The following DENND1B variants were observed in gnomAD, a reference collection of about 807,000 sequenced individuals.
DENND1B encodes the protein DENN domain-containing protein 1B.
Under a neutral mutation model 90.1 loss-of-function variants are expected in DENND1B, and 59 were observed. The ratio of observed to expected loss-of-function variants is 0.65; its 90% CI spans 0.53 to 0.81. DENND1B has a LOEUF of 0.81. Among genes scored for constraint, DENND1B ranks in the 40% least tolerant of loss-of-function variants. The pLI is 0.00. For synonymous variants in DENND1B, 337 were observed against 324.6 expected (o/e 1.04, Z -0.41); for missense variants, 862 against 912.6 (o/e 0.94, Z 0.71).
rs775346873 is a variant in DENND1B, at chr1:197,541,009, T to C, written c.1357A>G (p.Asn453Asp). Residue 453 changes from asparagine to aspartate, a missense_variant, in exon 19 of 23, where the codon AAT becomes GAT. Transcript: ENST00000620048. ...TCCTTTAGTCCCAGCTTTGCATGATTTTTTGCCTAGAAAATGATAATGAAT... is the reference window on the plus strand; with the variant it reads ...TCCTTTAGTCCCAGCTTTGCATGATCTTTTGCCTAGAAAATGATAATGAAT... ...AVRTAYKFAKNHAKLGLKEVK... is the reference protein window; with the variant it reads ...AVRTAYKFAKDHAKLGLKEVK... The C allele has an allele frequency of 6.2e-7, 1 of 1,612,670 alleles. No individual in the cohort carries two copies. Among genetic ancestry groups the C allele is most frequent in the Non-Finnish European group, 8.5e-7 (1 of 1,179,216 alleles).
intron 15 of DENND1B, among the ~76,000 whole-genome samples, chr1:197,577,426 C>T (rs1344882335): frequency 1.3e-5 from 2 of 152,122 alleles, no homozygotes; most frequent in Non-Finnish European, 2.9e-5. Flanking sequence ...CCATGGGGGG[C>T]ACTCTGTTGG....
At chr1:197,670,138 T>C (rs1377760314) in intron 5 of DENND1B, among the ~76,000 whole-genome samples, 1 of 152,164 alleles carries the variant, frequency 6.6e-6, no homozygotes, top group Non-Finnish European at 1.5e-5. Flanking sequence ...TTTGTATAAA[T>C]ATTTTCAAGT....
chr1:197,546,790 T>C lies in DENND1B; in HGVS notation c.1241-17A>G. On this transcript the variant is annotated splice_polypyrimidine_tract_variant and intron_variant, in intron 16 of 22. Transcript: ENST00000620048. ...TCGGGTTCCCTGGAATATATAAAAATGAGATGCCAGGAATGGTTGATCAAA... is the reference window on the plus strand; with the variant it reads ...TCGGGTTCCCTGGAATATATAAAAACGAGATGCCAGGAATGGTTGATCAAA... 6.5e-7 allele frequency: 1 copy of C among 1,540,696 alleles called. No individual in the cohort carries two copies. The highest frequency in any genetic ancestry group is 8.7e-7 in the Non-Finnish European group (1 of 1,143,994).
intron 2 of DENND1B, among the ~76,000 whole-genome samples, chr1:197,729,342 C>T (rs1389914887): frequency 1.3e-5 from 2 of 152,064 alleles, no homozygotes; most frequent in African/African-American, 4.8e-5. Flanking sequence ...AAATTATTCC[C>T]TATCATATCA....
chr1:197,690,273 G>T, intron 3 of DENND1B: 1 of 248,594 alleles, frequency 4.0e-6, no homozygotes, highest in South Asian at 6.7e-5. Flanking sequence ...GGAAGCAGCT[G>T]ACTGCACTGC....
intron 2 of DENND1B, among the ~76,000 whole-genome samples, chr1:197,772,229 T>C (rs1656718827): frequency 6.6e-6 from 1 of 152,094 alleles, no homozygotes; most frequent in South Asian, 2.1e-4. Context: ...CAAACATAAA[T>C]GAAAGAAAAT....
At chr1:197,601,773 G>T (rs979664478) in intron 13 of DENND1B, among the ~76,000 whole-genome samples, 10 of 151,576 alleles carry the variant, frequency 6.6e-5, no homozygotes, top group Non-Finnish European at 1.5e-4. Flanking sequence ...TTACTCAATT[G>T]AGAGAAACTA....
At chr1:197,603,766 A>G (rs1676417324) in intron 13 of DENND1B, among the ~76,000 whole-genome samples, 1 of 151,296 alleles carries the variant, frequency 6.6e-6, no homozygotes, top group Non-Finnish European at 1.5e-5. Context: ...AATGATAAAA[A>G]TTAAAATGAG....
intron 10 of DENND1B, among the ~76,000 whole-genome samples, chr1:197,626,556 T>G (rs964670616): frequency 3.3e-5 from 5 of 152,128 alleles, no homozygotes; most frequent in African/African-American, 1.2e-4. Flanking sequence ...TAGCACTAAA[T>G]GCCCTCAAGA....
chr1:197,703,026 C>T (rs140288133), intron 3 of DENND1B, among the ~76,000 whole-genome samples: 2,517 of 151,970 alleles, frequency 0.017, 71 homozygotes, highest in African/African-American at 0.058. Flanking sequence ...CTCACTCTGT[C>T]GCCTGGGCTG....
intron 3 of DENND1B, among the ~76,000 whole-genome samples, chr1:197,686,934 T>C (rs1180140828): frequency 6.6e-6 from 1 of 152,178 alleles, no homozygotes; most frequent in Non-Finnish European, 1.5e-5. Flanking sequence ...ACCTAACAGC[T>C]GTGTAAAATC....
At chr1:197,540,100 A>G (rs1030724775) in intron 19 of DENND1B, 29 bp from the exon 20 acceptor site, 1 of 1,483,356 alleles carries the variant, frequency 6.7e-7, no homozygotes, top group African/African-American at 1.4e-5. Context: ...ACAGGCAATA[A>G]TTGTAAAGTA....
intron 15 of DENND1B, among the ~76,000 whole-genome samples, chr1:197,557,093 T>C (rs371973035): frequency 1.1e-4 from 17 of 151,982 alleles, no homozygotes; most frequent in Non-Finnish European, 2.4e-4. Context: ...GAACTTATAA[T>C]GTTGGCATCT....
chr1:197,513,162 T>C, intron 20 of DENND1B, among the ~76,000 whole-genome samples: 1 of 67,836 alleles, frequency 1.5e-5, no homozygotes, highest in East Asian at 4.5e-4. Flanking sequence ...TACTAACTTC[T>C]CAAACCAATA....
At chr1:197,746,965 TC>T in intron 2 of DENND1B, 1 of 1,161,614 alleles carries the variant, frequency 8.6e-7, no homozygotes, top group Non-Finnish European at 1.3e-6. Flanking sequence ...ATTCCACCCC[TC>T]CACAGCCTGG....
At chr1:197,515,868 T>G (rs1265042218) in intron 20 of DENND1B, among the ~76,000 whole-genome samples, 1 of 151,834 alleles carries the variant, frequency 6.6e-6, no homozygotes, top group Non-Finnish European at 1.5e-5. Context: ...ACAGAACTTA[T>G]GTCTTTCCCT....
intron 3 of DENND1B, among the ~76,000 whole-genome samples, chr1:197,682,303 A>G (rs1656772756): frequency 6.6e-6 from 1 of 152,280 alleles, no homozygotes; most frequent in South Asian, 2.1e-4. Context: ...TGGAAAAATC[A>G]TAACTGATTG....
intron 5 of DENND1B, among the ~76,000 whole-genome samples, chr1:197,670,686 G>C (rs1346343509): frequency 6.6e-6 from 1 of 151,832 alleles, no homozygotes; most frequent in Non-Finnish European, 1.5e-5. Context: ...CTTTCCATTA[G>C]GGCAAATCCA....
intron 2 of DENND1B, among the ~76,000 whole-genome samples, chr1:197,772,332 G>A (rs1232874467): frequency 2.0e-5 from 3 of 152,212 alleles, no homozygotes; most frequent in Admixed American, 2.0e-4. Context: ...CAACACACCT[G>A]AAATTCAAGC....
Sources: allele counts gnomAD v4.1 joint callset (sites outside exome capture counted in the v4.1 genomes callset), GRCh38; gene constraint gnomAD v4.1.1; transcripts MANE v1.5; gene names NCBI Gene and HGNC (gene_info 2026-07-23, HGNC 2026-07-21).